The following LDLRAD4 variants were observed in gnomAD, a reference collection of about 807,000 sequenced individuals.
LDLRAD4 encodes low-density lipoprotein receptor class A domain-containing protein 4.
Under a neutral mutation model 17.0 loss-of-function variants are expected in LDLRAD4, and 5 were observed. That is an observed-to-expected ratio of 0.29 (90% confidence interval 0.15 to 0.62). LDLRAD4 has a LOEUF of 0.62. Ranked by LOEUF, LDLRAD4 falls within the 20% of genes least tolerant of loss-of-function variation. The probability of loss-of-function intolerance (pLI) is 0.84; values close to 1 mark genes in which losing one functional copy is unlikely to be tolerated. For missense variants in LDLRAD4, 340 were observed against 424.7 expected, an observed-to-expected ratio of 0.80 and a Z score of 1.75; for synonymous variants, 168 against 171.8, an observed-to-expected ratio of 0.98 and a Z score of 0.17.
chr18:13,252,658 G>A (rs1211813392), intron 1 of LDLRAD4, among the ~76,000 whole-genome samples: 1 of 152,262 alleles, frequency 6.6e-6, no homozygotes, highest in Admixed American at 6.5e-5. Flanking sequence ...ACTGGGCACG[G>A]TGGGACTGCC....
chr18:13,485,895 A>G (rs908969012), intron 3 of LDLRAD4, among the ~76,000 whole-genome samples: 1 of 152,246 alleles, frequency 6.6e-6, no homozygotes, highest in Non-Finnish European at 1.5e-5. Context: ...AGATGCCAGG[A>G]TAAATAAGTA....
chr18:13,601,543 A>G (rs1055960031), intron 3 of LDLRAD4, among the ~76,000 whole-genome samples: 1 of 151,762 alleles, frequency 6.6e-6, no homozygotes, highest in African/African-American at 2.4e-5. Flanking sequence ...AGTCCCAGCT[A>G]CTCGGGAGGC....
intron 3 of LDLRAD4, chr18:13,614,154 C>T (rs1205127433): frequency 2.6e-5 from 4 of 152,168 alleles, no homozygotes; most frequent in African/African-American, 9.7e-5. Context: ...AGGGCTTCTC[C>T]ACCAGCTTCT....
chr18:13,583,752 G>A (rs2094898108), intron 3 of LDLRAD4, among the ~76,000 whole-genome samples: 5 of 152,016 alleles, frequency 3.3e-5, no homozygotes, highest in Admixed American at 3.3e-4. Flanking sequence ...GCCTGCTTGA[G>A]TCACCGAGCC....
chr18:13,540,078 G>C (rs986189853), intron 3 of LDLRAD4, among the ~76,000 whole-genome samples: 2 of 152,210 alleles, frequency 1.3e-5, no homozygotes, highest in Non-Finnish European at 2.9e-5. Context: ...GGGAAATGAG[G>C]AAAGTCCACA....
intron 1 of LDLRAD4, among the ~76,000 whole-genome samples, chr18:13,220,902 G>T (rs1213199324): frequency 6.6e-6 from 1 of 152,230 alleles, no homozygotes. Context: ...GTCTCTGCAT[G>T]TAGCCAGCAT....
At chr18:13,404,979 G>A (rs1233408205) in intron 2 of LDLRAD4, among the ~76,000 whole-genome samples, 1 of 151,946 alleles carries the variant, frequency 6.6e-6, no homozygotes, top group Non-Finnish European at 1.5e-5. Flanking sequence ...GAAACCCAAT[G>A]AAGAGGTCGT....
intron 3 of LDLRAD4, among the ~76,000 whole-genome samples, chr18:13,510,896 G>A (rs2093767885): frequency 6.6e-6 from 1 of 152,016 alleles, no homozygotes; most frequent in East Asian, 1.9e-4. Context: ...GGAGTGAGAG[G>A]GAAACTTCAA....
chr18:13,434,752 G>A (rs2090548802), intron 2 of LDLRAD4, among the ~76,000 whole-genome samples: 1 of 152,132 alleles, frequency 6.6e-6, no homozygotes, highest in Admixed American at 6.5e-5. Flanking sequence ...CCAAATACCT[G>A]CTTATTTTAA....
intron 2 of LDLRAD4, among the ~76,000 whole-genome samples, chr18:13,405,501 C>T (rs180890798): frequency 4.6e-5 from 7 of 152,186 alleles, no homozygotes; most frequent in African/African-American, 1.4e-4. Flanking sequence ...TAGCTCACTG[C>T]GGCCTTGACC....
chr18:13,501,492 T>C (rs2093613401), intron 3 of LDLRAD4, among the ~76,000 whole-genome samples: 1 of 152,160 alleles, frequency 6.6e-6, no homozygotes, highest in Non-Finnish European at 1.5e-5. Flanking sequence ...TGAGCCTGTC[T>C]GTCTGTCTGT....
At chr18:13,260,743 T>A (rs9951708) in intron 1 of LDLRAD4, among the ~76,000 whole-genome samples, 143,473 of 152,308 alleles carry the variant, frequency 0.94, 67,830 homozygotes, top group Non-Finnish European at 0.98. Context: ...CATAGACATC[T>A]ATGGCAGGTC....
chr18:13,611,804 A>G, intron 3 of LDLRAD4: 1 of 985,576 alleles, frequency 1.0e-6, no homozygotes, highest in South Asian at 4.7e-5. Context: ...GGGGGAAAGG[A>G]GCGCGCAGTG....
chr18:13,601,395 A>G (rs977831455), intron 3 of LDLRAD4, among the ~76,000 whole-genome samples: 2 of 152,150 alleles, frequency 1.3e-5, no homozygotes, highest in African/African-American at 4.8e-5. Flanking sequence ...CACTAACCAT[A>G]AGAGAAATGC....
chr18:13,339,530 C>T (rs548769804), intron 1 of LDLRAD4, among the ~76,000 whole-genome samples: 1 of 152,238 alleles, frequency 6.6e-6, no homozygotes, highest in Non-Finnish European at 1.5e-5. Context: ...GTGTCCTTTT[C>T]ATATGTAAAG....
chr18:13,250,180 C>CG (rs1287663252), intron 1 of LDLRAD4, among the ~76,000 whole-genome samples: 1 of 152,130 alleles, frequency 6.6e-6, no homozygotes, highest in East Asian at 1.9e-4. Flanking sequence ...ATCTATGTGT[C>CG]TGTTTTTATG....
At chr18:13,638,976 A>G (rs2042300392) in intron 4 of LDLRAD4, among the ~76,000 whole-genome samples, 1 of 152,226 alleles carries the variant, frequency 6.6e-6, no homozygotes, top group African/African-American at 2.4e-5. Flanking sequence ...CAGCTGGGTG[A>G]ATGGCTGCCT....
At chr18:13,356,467 A>G (rs1407629022) in intron 1 of LDLRAD4, among the ~76,000 whole-genome samples, 1 of 152,248 alleles carries the variant, frequency 6.6e-6, no homozygotes, top group African/African-American at 2.4e-5. Context: ...GATTTAGAAG[A>G]TGTAGCACTG....
At chr18:13,335,681 G>C (rs951415374) in intron 1 of LDLRAD4, among the ~76,000 whole-genome samples, 6 of 152,172 alleles carry the variant, frequency 3.9e-5, no homozygotes, top group Non-Finnish European at 7.3e-5. Flanking sequence ...GTTCAAAACT[G>C]TTAGTCAGTG....
Sources: gnomAD v4.1 joint callset for allele counts (sites outside exome capture counted in the v4.1 genomes callset) on GRCh38, gnomAD v4.1.1 for gene constraint, MANE v1.5 for transcripts, NCBI Gene and HGNC (gene_info 2026-07-23, HGNC 2026-07-21) for gene names.